Variants in TMEM181 observed in about 807,000 individuals in gnomAD.
TMEM181 encodes the protein transmembrane protein 181.
In TMEM181, 39 loss-of-function variants were observed where a neutral mutation model predicts 71.9. That is an observed-to-expected ratio of 0.54 (90% CI 0.42 to 0.71). The LOEUF (loss-of-function observed/expected upper bound fraction) is 0.71, where lower values mean the gene tolerates loss of function less well. Ranked by LOEUF, TMEM181 falls within the 30% of genes least tolerant of loss-of-function variation. TMEM181 has a pLI of 0.00. For synonymous variants in TMEM181, 245 were observed against 228.8 expected (o/e 1.07, Z -0.64); for missense variants, 595 against 583.0 (o/e 1.02, Z -0.21).
Position 158,618,151 on chromosome 6 carries a change from T to C in TMEM181, c.897-5399T>C, listed in dbSNP as rs1785724750. Among the ~76,000 whole-genome samples, 3 of 152,244 alleles carry C rather than the reference T, an allele frequency of 2.0e-5. No individual in the cohort carries two copies. The South Asian group carries it at 6.2e-4, about 32-fold the overall frequency. On this transcript the variant is annotated intron_variant, in intron 10 of 16. Transcript: ENST00000684151. ...GGTCTCTAAGGACTTGCTTTATGAA[T>C]CTGGTTGCTCCTGTATTGGGTGCAT...
At chr6:158,558,989 G>A (rs1396379058), upstream of TMEM181, among the ~76,000 whole-genome samples, 1 of 152,172 alleles carries the variant, frequency 6.6e-6, no homozygotes, top group Non-Finnish European at 1.5e-5. Context: ...AAGAACTTAA[G>A]AAATAATCTT....
intron 1 of TMEM181, among the ~76,000 whole-genome samples, chr6:158,560,959 G>T (rs1055668320): frequency 2.6e-5 from 4 of 152,146 alleles, no homozygotes; most frequent in African/African-American, 4.8e-5. Flanking sequence ...GGAAAAGAAG[G>T]AGACGGAGTT....
chr6:158,566,053 G>T (rs1402232006), intron 1 of TMEM181, among the ~76,000 whole-genome samples: 2 of 152,162 alleles, frequency 1.3e-5, no homozygotes, highest in Non-Finnish European at 2.9e-5. Context: ...GGAGAACTTT[G>T]GATTTAGTAG....
intron 5 of TMEM181, among the ~76,000 whole-genome samples, chr6:158,586,923 C>T (rs770594396): frequency 5.1e-4 from 77 of 152,194 alleles, no homozygotes; most frequent in Non-Finnish European, 8.2e-4. Context: ...GGCCTGTGTG[C>T]GGGAGGGGTG....
chr6:158,585,510 G>A, intron 5 of TMEM181, 85 bp downstream of exon 5: 1 of 1,328,074 alleles, frequency 7.5e-7, no homozygotes, highest in Non-Finnish European at 9.7e-7. Context: ...CTAAAAGATA[G>A]CATGGTAAGA....
intron 1 of TMEM181, among the ~76,000 whole-genome samples, chr6:158,550,983 A>G (rs542769175): frequency 7.4e-6 from 1 of 134,524 alleles, no homozygotes; most frequent in Admixed American, 7.7e-5. Context: ...TTTTTTTTAG[A>G]CAGAGTTTCT....
chr6:158,547,654 T>C (rs910925145), intron 1 of TMEM181, among the ~76,000 whole-genome samples: 1 of 152,064 alleles, frequency 6.6e-6, no homozygotes, highest in African/African-American at 2.4e-5. Context: ...CTCCAGACTT[T>C]GTAACAACGA....
chr6:158,631,460 G>C (rs1786661315), intron 16 of TMEM181, 71 bp downstream of exon 16: 1 of 1,480,676 alleles, frequency 6.8e-7, no homozygotes, highest in Non-Finnish European at 9.4e-7. Context: ...TTTCTGAATG[G>C]GTTACTCTTC....
intron 7 of TMEM181, among the ~76,000 whole-genome samples, chr6:158,606,628 T>C (rs1204705289): frequency 6.6e-6 from 1 of 152,230 alleles, no homozygotes; most frequent in African/African-American, 2.4e-5. Flanking sequence ...AAAATTATGT[T>C]ATATAATGTT....
At chr6:158,601,780 G>T (rs62437846) in intron 6 of TMEM181, among the ~76,000 whole-genome samples, 1 of 151,308 alleles carries the variant, frequency 6.6e-6, no homozygotes, top group East Asian at 1.9e-4. Flanking sequence ...AAAAAACAAG[G>T]CTAAAAGGAT....
At chr6:158,551,084 C>T (rs564875975) in intron 1 of TMEM181, among the ~76,000 whole-genome samples, 9 of 151,746 alleles carry the variant, frequency 5.9e-5, no homozygotes, top group Middle Eastern at 3.4e-3. Context: ...CTCAGCCTCC[C>T]GAGTAGCTGG....
chr6:158,549,434 A>G (rs1286252740), intron 1 of TMEM181, among the ~76,000 whole-genome samples: 1 of 152,190 alleles, frequency 6.6e-6, no homozygotes, highest in Non-Finnish European at 1.5e-5. Context: ...AACATATAGT[A>G]GTAGACTTTC....
chr6:158,617,689 A>G (rs897368012), intron 10 of TMEM181, among the ~76,000 whole-genome samples: 1 of 152,058 alleles, frequency 6.6e-6, no homozygotes, highest in African/African-American at 2.4e-5. Context: ...CTTTGTTCTC[A>G]TTGGTTTCAA....
At chr6:158,604,891 T>C (rs753796811) in intron 6 of TMEM181, among the ~76,000 whole-genome samples, 19 of 152,190 alleles carry the variant, frequency 1.2e-4, no homozygotes, top group Non-Finnish European at 2.2e-4. Context: ...GATTTTTTTA[T>C]GTCTGTGTCC....
At chr6:158,543,765 A>G (rs1287732395) in intron 1 of TMEM181, among the ~76,000 whole-genome samples, 1 of 152,140 alleles carries the variant, frequency 6.6e-6, no homozygotes, top group African/African-American at 2.4e-5. Flanking sequence ...AGGCCTTATC[A>G]CCAAATAAGG....
At chr6:158,605,131 A>AGGGTGTGGGT in intron 6 of TMEM181, 136 bp from the exon 7 acceptor site, 1 of 159,686 alleles carries the variant, frequency 6.3e-6, no homozygotes, top group Non-Finnish European at 1.2e-5. Context: ...AAAAAAAAAA[A>AGGGTGTGGGT]GTGTGTGTGT....
intron 6 of TMEM181, among the ~76,000 whole-genome samples, chr6:158,593,311 G>A (rs188875287): frequency 1.2e-3 from 187 of 152,324 alleles, no homozygotes; most frequent in African/African-American, 4.4e-3. Flanking sequence ...TGAATTAGAA[G>A]TGTTTCTATT....
chr6:158,596,150 G>C (rs1251206269), intron 6 of TMEM181, among the ~76,000 whole-genome samples: 1 of 152,072 alleles, frequency 6.6e-6, no homozygotes, highest in African/African-American at 2.4e-5. Flanking sequence ...TTGATCTCCT[G>C]ACCTCATGAT....
chr6:158,595,854 T>C (rs1257938316), intron 6 of TMEM181, among the ~76,000 whole-genome samples: 1 of 152,184 alleles, frequency 6.6e-6, no homozygotes, highest in Non-Finnish European at 1.5e-5. Context: ...AGGTACTGTT[T>C]ATGCAGGTGT....
Sources: allele counts gnomAD v4.1 joint callset (sites outside exome capture counted in the v4.1 genomes callset), GRCh38; gene constraint gnomAD v4.1.1; transcripts MANE v1.5; gene names NCBI Gene and HGNC (gene_info 2026-07-23, HGNC 2026-07-21).